The following RAP1GAP2 variants were observed in gnomAD, a reference collection of about 807,000 sequenced individuals.
RAP1GAP2 encodes the protein rap1 GTPase-activating protein 2.
RAP1GAP2 carries 27 observed loss-of-function variants against 95.0 expected under a neutral mutation model. The ratio of observed to expected loss-of-function variants is 0.28; its 90% CI spans 0.21 to 0.39. RAP1GAP2 has a LOEUF of 0.39. Among genes scored for constraint, RAP1GAP2 ranks in the 10% least tolerant of loss-of-function variants. The probability of loss-of-function intolerance (pLI) is 1.00; values close to 1 mark genes in which losing one functional copy is unlikely to be tolerated. For synonymous variants in RAP1GAP2, 373 were observed against 380.9 expected, an observed-to-expected ratio of 0.98 and a Z score of 0.24; for missense variants, 771 against 970.0, an observed-to-expected ratio of 0.79 and a Z score of 2.72.
At chr17:2,970,419 G>C (rs749895750) in intron 8 of RAP1GAP2, among the ~76,000 whole-genome samples, 1 of 152,058 alleles carries the variant, frequency 6.6e-6, no homozygotes, top group Non-Finnish European at 1.5e-5. Flanking sequence ...AGATGAGATA[G>C]CTAGGTTAAA....
At chr17:2,800,754 G>C (rs2069253620) in intron 2 of RAP1GAP2, among the ~76,000 whole-genome samples, 1 of 152,134 alleles carries the variant, frequency 6.6e-6, no homozygotes, top group African/African-American at 2.4e-5. Context: ...AGGTGGGAAT[G>C]GAATCACCAG....
At chr17:2,851,781 A>C (rs111794873) in intron 2 of RAP1GAP2, among the ~76,000 whole-genome samples, 1 of 152,116 alleles carries the variant, frequency 6.6e-6, no homozygotes, top group South Asian at 2.1e-4. Context: ...TATGTTGCCC[A>C]GGCTGGTCTA....
At position 2,965,121 on chromosome 17, in the gene RAP1GAP2, G is replaced by A. The variant is rs1273118346; in HGVS notation, c.493-419G>A. ...CAGATAGTGTGAACTGGTGAGGGCC[G>A]CCCCATGGGAATGAGAATGTGGACT... is the stretch of plus-strand genomic sequence containing the variant. On this transcript the variant is annotated intron_variant, in intron 7 of 24. Coordinates refer to ENST00000254695, the MANE Select transcript of RAP1GAP2 (RefSeq NM_015085.5). The surrounding 1 kb of genome is among the most constrained non-coding windows in gnomAD (Gnocchi z 4.7). 2.7e-5 allele frequency: 5 copies of A among 187,126 alleles called. No individual in the cohort carries two copies. The highest frequency in any genetic ancestry group is 4.7e-5 in the African/African-American group (2 of 42,728). 11.6% of individuals were successfully genotyped at this position (187,126 alleles called of 1,614,324 possible). A position where few individuals can be genotyped will look rare whatever the true frequency, so the allele number is the denominator to read the frequency against.
chr17:2,824,574 T>G (rs1252177671), intron 2 of RAP1GAP2, among the ~76,000 whole-genome samples: 1 of 150,648 alleles, frequency 6.6e-6, no homozygotes, highest in Non-Finnish European at 1.5e-5. Context: ...ACCCTGTCTC[T>G]ACTAAAAATA....
chr17:3,035,421 C>G lies in RAP1GAP2; in HGVS notation c.*2060C>G, dbSNP rs35193075. On this transcript the variant is annotated 3_prime_UTR_variant, in exon 25 of 25. Transcript: ENST00000254695. This position sits in a 1 kb window ranked among gnomAD's most constrained non-coding sequence, Gnocchi z 4.3. ...GTCCTTTGGGGTTTCCAGGTTGTCA[C>G]CATGCTGTCCCATTTGGGAATCCCA... The G allele has an allele frequency of 0.12, 18,161 of 152,282 alleles. 1,151 individuals carry two copies. Among genetic ancestry groups the G allele is most frequent in the Middle Eastern group, 0.26 (76 of 294 alleles). The allele number at this position is 152,282 out of a possible 1,614,324, so 9.4% of individuals were successfully genotyped here.
chr17:2,889,887 A>AT (rs1183050009), intron 2 of RAP1GAP2, among the ~76,000 whole-genome samples: 42 of 38,728 alleles, frequency 1.1e-3, no homozygotes, highest in African/African-American at 3.5e-3. Context: ...ATATATATAT[A>AT]TATTTTTTTT....
chr17:2,941,542 C>G (rs112013999), intron 3 of RAP1GAP2, among the ~76,000 whole-genome samples: 107 of 152,110 alleles, frequency 7.0e-4, no homozygotes, highest in Non-Finnish European at 1.3e-3. Flanking sequence ...GTTGAGGCAC[C>G]GTGAGATGAG....
chr17:2,868,334 C>T (rs998277276), intron 2 of RAP1GAP2, among the ~76,000 whole-genome samples: 3 of 152,118 alleles, frequency 2.0e-5, no homozygotes, highest in East Asian at 1.9e-4. Flanking sequence ...GGCAAAAACA[C>T]GACTGCAGAA....
At chr17:2,799,988 C>T (rs1050608711) in intron 1 of RAP1GAP2, among the ~76,000 whole-genome samples, 13 of 152,170 alleles carry the variant, frequency 8.5e-5, no homozygotes, top group African/African-American at 3.1e-4. Flanking sequence ...GCCCCAGGAG[C>T]AGGGTCTGCC....
intron 2 of RAP1GAP2, among the ~76,000 whole-genome samples, chr17:2,894,725 G>C (rs528988338): frequency 3.0e-4 from 46 of 152,266 alleles, no homozygotes; most frequent in Non-Finnish European, 5.4e-4. Flanking sequence ...GGTGTGTTTA[G>C]CTCTCGGCCC....
At chr17:3,006,084 C>CCCAGCAGT in intron 16 of RAP1GAP2, 43 bp downstream of exon 16, 1 of 1,413,952 alleles carries the variant, frequency 7.1e-7, no homozygotes, top group Non-Finnish European at 1.0e-6. Context: ...GACTGCTGGG[C>CCCAGCAGT]CACCTGTTAG....
At chr17:2,808,428 C>T (rs1452835300) in intron 2 of RAP1GAP2, among the ~76,000 whole-genome samples, 1 of 152,162 alleles carries the variant, frequency 6.6e-6, no homozygotes, top group Non-Finnish European at 1.5e-5. Context: ...AAAATCTTCC[C>T]TCCACTTTCC....
intron 13 of RAP1GAP2, 125 bp downstream of exon 13, chr17:2,995,591 C>T: frequency 1.5e-6 from 2 of 1,332,864 alleles, no homozygotes; most frequent in Non-Finnish European, 2.1e-6. Context: ...ATTCGTTCAG[C>T]TGCGCAGCAG....
intron 17 of RAP1GAP2, among the ~76,000 whole-genome samples, chr17:3,015,608 G>A (rs1164910525): frequency 6.6e-6 from 1 of 152,114 alleles, no homozygotes; most frequent in African/African-American, 2.4e-5. Flanking sequence ...CACGAGGTCA[G>A]GAGTTCAAGA....
chr17:2,908,255 G>A (rs538416984), intron 3 of RAP1GAP2, among the ~76,000 whole-genome samples: 2 of 152,326 alleles, frequency 1.3e-5, no homozygotes, highest in African/African-American at 2.4e-5. Context: ...AACAGCTGGT[G>A]AAGCCGGAGT....
chr17:2,781,144 AG>A (rs1329438619), intron 1 of RAP1GAP2, among the ~76,000 whole-genome samples: 1 of 152,166 alleles, frequency 6.6e-6, no homozygotes, highest in Non-Finnish European at 1.5e-5. Flanking sequence ...GCTTGCTCTC[AG>A]GGCCAGCTGG....
At chr17:2,915,129 G>T (rs111874669) in intron 3 of RAP1GAP2, among the ~76,000 whole-genome samples, 1 of 152,004 alleles carries the variant, frequency 6.6e-6, no homozygotes, top group Non-Finnish European at 1.5e-5. Context: ...TCACTATGTC[G>T]CCCGGGTTGG....
intron 2 of RAP1GAP2, among the ~76,000 whole-genome samples, chr17:2,875,332 G>A (rs536399369): frequency 1.6e-4 from 24 of 152,256 alleles, no homozygotes; most frequent in Non-Finnish European, 2.6e-4. Flanking sequence ...CTCCCAAAGT[G>A]CTGGGATTAC....
chr17:2,994,376 C>T (rs2045882871), intron 12 of RAP1GAP2, among the ~76,000 whole-genome samples: 1 of 152,160 alleles, frequency 6.6e-6, no homozygotes, highest in Admixed American at 6.5e-5. Context: ...AGCTGGCAGC[C>T]GTGTGTATAA....
Sources: gnomAD v4.1 joint callset for allele counts (sites outside exome capture counted in the v4.1 genomes callset) on GRCh38, gnomAD v4.1.1 for gene constraint, Gnocchi (gnomAD v3.1) non-coding constraint, MANE v1.5 for transcripts, NCBI Gene and HGNC (gene_info 2026-07-23, HGNC 2026-07-21) for gene names.